Variants in DNAH12 observed in about 807,000 individuals in gnomAD.
The protein encoded by DNAH12 is dynein axonemal heavy chain 12.
Under a neutral mutation model 371.5 loss-of-function variants are expected in DNAH12, and 285 were observed. The ratio of observed to expected loss-of-function variants is 0.77; its 90% CI spans 0.70 to 0.85. The LOEUF is 0.85. Ranked by LOEUF, DNAH12 falls within the 40% of genes least tolerant of loss-of-function variation. The pLI is 0.00. For missense variants in DNAH12, 3,611 were observed against 3,689.4 expected, an observed-to-expected ratio of 0.98 and a Z score of 0.55; for synonymous variants, 1,200 against 1,213.0, an observed-to-expected ratio of 0.99 and a Z score of 0.22.
intron 4 of DNAH12, among the ~76,000 whole-genome samples, chr3:57,516,359 G>T (rs1361926831): frequency 6.6e-6 from 1 of 152,046 alleles, no homozygotes; most frequent in Non-Finnish European, 1.5e-5. Context: ...ACCATGCCCG[G>T]CCCATGTACT....
intron 34 of DNAH12, among the ~76,000 whole-genome samples, chr3:57,427,358 T>C (rs987092043): frequency 8.5e-5 from 13 of 152,132 alleles, no homozygotes. Context: ...TCCTTGTAAC[T>C]GTCACATGGA....
chr3:57,445,486 T>A, intron 27 of DNAH12, 67 bp from the exon 28 acceptor site: 1 of 1,303,628 alleles, frequency 7.7e-7, no homozygotes, highest in Non-Finnish European at 9.9e-7. Flanking sequence ...TGAGCATAAG[T>A]ATTCAAAGGT....
At chr3:57,364,077 A>G (rs1224030538) in intron 57 of DNAH12, among the ~76,000 whole-genome samples, 2 of 152,200 alleles carry the variant, frequency 1.3e-5, no homozygotes, top group African/African-American at 4.8e-5. Context: ...GAAGAAACTC[A>G]AAGTATGAAC....
chr3:57,390,450 T>TATATATATATAC (rs1559608977), intron 45 of DNAH12, among the ~76,000 whole-genome samples: 2 of 46,506 alleles, frequency 4.3e-5, no homozygotes, highest in Non-Finnish European at 6.3e-5. Flanking sequence ...TATATATATA[T>TATATATATATAC]ACTTAGACCA....
intron 66 of DNAH12, among the ~76,000 whole-genome samples, chr3:57,312,576 C>T (rs990707372): frequency 3.9e-5 from 6 of 152,158 alleles, no homozygotes; most frequent in African/African-American, 9.7e-5. Flanking sequence ...AAATGAAACA[C>T]GGATCCAGCC....
intron 35 of DNAH12, among the ~76,000 whole-genome samples, chr3:57,424,516 G>C (rs1182879439): frequency 1.3e-5 from 2 of 148,306 alleles, no homozygotes; most frequent in Admixed American, 1.3e-4. Context: ...GGTGGCTCAC[G>C]CCAGTAATCC....
intron 60 of DNAH12, among the ~76,000 whole-genome samples, chr3:57,336,889 C>G (rs2062236353): frequency 6.6e-6 from 1 of 152,104 alleles, no homozygotes; most frequent in African/African-American, 2.4e-5. Flanking sequence ...ATTACTTGAG[C>G]AGAAGCTCAG....
At chr3:57,414,542 C>CG (rs1490646493) in intron 38 of DNAH12, among the ~76,000 whole-genome samples, 5 of 152,122 alleles carry the variant, frequency 3.3e-5, no homozygotes, top group African/African-American at 1.2e-4. Context: ...CCTCCTCCCC[C>CG]GCTCCACTCT....
intron 70 of DNAH12, 101 bp downstream of exon 70, chr3:57,301,634 T>A: frequency 7.1e-7 from 1 of 1,407,338 alleles, no homozygotes; most frequent in Non-Finnish European, 9.5e-7. Context: ...AAAAATAAAA[T>A]TTTACATGTG....
intron 65 of DNAH12, among the ~76,000 whole-genome samples, chr3:57,319,259 G>GT (rs1318690734): frequency 6.6e-6 from 1 of 152,074 alleles, no homozygotes; most frequent in Non-Finnish European, 1.5e-5. Flanking sequence ...GCTCTGACAG[G>GT]TTTTTCTTGT....
At position 57,309,260 on chromosome 3, in the gene DNAH12, A is replaced by G; in HGVS notation, c.11086-6T>C. The G allele has an allele frequency of 6.5e-7, 1 of 1,536,102 alleles. No homozygotes were observed. The highest frequency in any genetic ancestry group is 8.8e-7 in the Non-Finnish European group (1 of 1,142,110). On this transcript the variant is annotated splice_region_variant and splice_polypyrimidine_tract_variant and intron_variant, in intron 68 of 73. Transcript: ENST00000495027. ...ATGTCGAAATCACTAGGGAGCTAAA[A>G]GAATAGATTTTGAAGATCACAAATT...
intron 60 of DNAH12, among the ~76,000 whole-genome samples, chr3:57,339,011 A>C (rs537593104): frequency 3.3e-5 from 5 of 151,920 alleles, no homozygotes; most frequent in Admixed American, 6.6e-5. Context: ...GACATAGGAG[A>C]CTCCATTTTG....
At position 57,445,386 on chromosome 3, in the gene DNAH12, T is replaced by C; in HGVS notation, c.4213A>G (p.Asn1405Asp). The change falls in exon 28 of 74, where the codon AAC (asparagine) becomes GAC (aspartate). Residue 1405 changes from asparagine (N) to aspartate (D), a missense_variant. Physicochemically the swap from Asn to Asp is conservative, Grantham distance 23. This residue lies in a region of DNAH12 where 2,266 missense variants were observed against 2,236.9 expected (regional missense o/e 1.01). Transcript: ENST00000495027. The stretch of plus-strand genomic sequence containing the variant: ...GAGATTTCTGCTATAAGCGCATAGT[T>C]TGGAACCATCATAGCCACTGTTCTA... ...LFRTVAMMVP[N>D]YALIAEISLY... 6.5e-7 allele frequency: 1 copy of C among 1,547,666 alleles called. No individual in the cohort carries two copies. The highest frequency in any genetic ancestry group is 1.7e-4 in the Middle Eastern group (1 of 5,968).
intron 2 of DNAH12, among the ~76,000 whole-genome samples, chr3:57,531,767 C>CAAAAAAA (rs35142998): frequency 1.8e-4 from 9 of 50,266 alleles, no homozygotes; most frequent in African/African-American, 5.0e-4. Context: ...CACTCCATCT[C>CAAAAAAA]AAAAAAAAAA....
At chr3:57,416,494 G>A (rs1394190968) in intron 37 of DNAH12, among the ~76,000 whole-genome samples, 1 of 152,144 alleles carries the variant, frequency 6.6e-6, no homozygotes, top group East Asian at 1.9e-4. Flanking sequence ...ACTTTTCAGA[G>A]CAGAAAGTCA....
intron 19 of DNAH12, among the ~76,000 whole-genome samples, chr3:57,460,495 A>T (rs2066024964): frequency 6.6e-6 from 1 of 152,172 alleles, no homozygotes. Context: ...AGATTGTCTC[A>T]TATCTTCGAT....
chr3:57,317,675 A>T (rs1025765637), intron 65 of DNAH12, among the ~76,000 whole-genome samples: 1 of 151,804 alleles, frequency 6.6e-6, no homozygotes, highest in Non-Finnish European at 1.5e-5. Flanking sequence ...CCTGATTTCA[A>T]TTTTTTTGGA....
upstream of DNAH12, among the ~76,000 whole-genome samples, chr3:57,548,388 G>C (rs528737368): frequency 3.0e-4 from 45 of 152,158 alleles, no homozygotes; most frequent in Non-Finnish European, 5.6e-4. Flanking sequence ...AGCCTGTCAA[G>C]TATGTCAAAG....
intron 44 of DNAH12, 61 bp downstream of exon 44, chr3:57,394,110 G>C (rs1421587835): frequency 6.6e-6 from 1 of 152,152 alleles, no homozygotes; most frequent in Non-Finnish European, 1.5e-5. Flanking sequence ...GAAGAGCAGA[G>C]AAACAGTTTC....
Sources: allele counts gnomAD v4.1 joint callset (sites outside exome capture counted in the v4.1 genomes callset), GRCh38; gene constraint gnomAD v4.1.1; regional missense constraint gnomAD v4.1.1; transcripts MANE v1.5; gene names NCBI Gene and HGNC (gene_info 2026-07-23, HGNC 2026-07-21).